TP63: variants seen among roughly 807,000 people sequenced by gnomAD.
The protein encoded by TP63 is tumor protein 63.
A neutral mutation model predicts 82.8 loss-of-function variants in TP63; 17 were observed. That is an observed-to-expected ratio of 0.21 (90% confidence interval 0.14 to 0.31). TP63 has a LOEUF of 0.31. TP63 is among the 10% of genes least tolerant of loss of function. The pLI, the probability that TP63 is intolerant of heterozygous loss-of-function variation, is 1.00. For missense variants in TP63, 648 were observed against 895.3 expected (o/e 0.72, Z 3.52); for synonymous variants, 330 against 321.7 (o/e 1.03, Z -0.28).
chr3:189,656,250 A>G, intron 1 of TP63, among the ~76,000 whole-genome samples: 1 of 152,182 alleles, frequency 6.6e-6, no homozygotes. Context: ...CTATTATAAG[A>G]GAACATGTAC....
chr3:189,879,862 A>T (rs1444239644), intron 10 of TP63, among the ~76,000 whole-genome samples: 1 of 152,196 alleles, frequency 6.6e-6, no homozygotes, highest in Non-Finnish European at 1.5e-5. Flanking sequence ...GCCTTATCCC[A>T]TTTCTTCCTC....
At chr3:189,781,465 A>G (rs1465871138) in intron 3 of TP63, among the ~76,000 whole-genome samples, 1 of 152,200 alleles carries the variant, frequency 6.6e-6, no homozygotes, top group African/African-American at 2.4e-5. Flanking sequence ...TGCTATAACT[A>G]AAGGTGCAGA....
At chr3:189,831,359 G>C (rs1490697517) in intron 4 of TP63, among the ~76,000 whole-genome samples, 1 of 152,120 alleles carries the variant, frequency 6.6e-6, no homozygotes, top group Non-Finnish European at 1.5e-5. Flanking sequence ...TAAATAGGCA[G>C]ACAGTTTTCT....
intron 3 of TP63, among the ~76,000 whole-genome samples, chr3:189,761,159 G>C (rs754236566): frequency 6.6e-6 from 1 of 152,330 alleles, no homozygotes; most frequent in South Asian, 2.1e-4. Flanking sequence ...TTGTCTTGGT[G>C]ATTAACATTA....
At chr3:189,877,755 A>C (rs1719398373) in intron 10 of TP63, among the ~76,000 whole-genome samples, 1 of 152,246 alleles carries the variant, frequency 6.6e-6, no homozygotes. Flanking sequence ...CCAGTTTATA[A>C]TAAAGCTAAG....
chr3:189,598,623 G>A, the TP63 span, among the ~76,000 whole-genome samples: 6 of 152,240 alleles, frequency 3.9e-5, no homozygotes, highest in South Asian at 2.1e-4. Flanking sequence ...TTTGAGATCC[G>A]GATATCAGCC....
intron 4 of TP63, among the ~76,000 whole-genome samples, chr3:189,824,137 T>A (rs539302767): frequency 6.6e-6 from 1 of 152,234 alleles, no homozygotes; most frequent in Admixed American, 6.5e-5. Context: ...TTCATATTTT[T>A]CTCCCAGGCT....
intron 10 of TP63, chr3:189,881,459 T>C: frequency 1.0e-6 from 1 of 985,412 alleles, no homozygotes; most frequent in Non-Finnish European, 1.2e-6. Flanking sequence ...TGTGGATGTG[T>C]GATTTTAATT....
At chr3:189,834,742 C>T (rs955492961) in intron 4 of TP63, among the ~76,000 whole-genome samples, 10 of 152,158 alleles carry the variant, frequency 6.6e-5, no homozygotes, top group African/African-American at 2.4e-4. Context: ...AGAGCAAGCA[C>T]ACCCTTTTTT....
chr3:189,809,899 A>C (rs1391208393), intron 4 of TP63, among the ~76,000 whole-genome samples: 2 of 152,212 alleles, frequency 1.3e-5, no homozygotes, highest in Non-Finnish European at 2.9e-5. Context: ...GGCATGCCTA[A>C]ACTTACAGAA....
intron 3 of TP63, among the ~76,000 whole-genome samples, chr3:189,789,001 A>G (rs944789929): frequency 6.6e-6 from 1 of 151,728 alleles, no homozygotes; most frequent in African/African-American, 2.4e-5. Context: ...CGTACATAAT[A>G]TGGATGTTTG....
At chr3:189,786,899 A>C (rs564189272) in intron 3 of TP63, among the ~76,000 whole-genome samples, 12 of 152,084 alleles carry the variant, frequency 7.9e-5, no homozygotes, top group Non-Finnish European at 1.8e-4. Flanking sequence ...CATTTAGTAC[A>C]TTTGAGATCC....
rs144667568 is a variant in TP63 at position 189,758,154 on chromosome 3, T to C, written c.324+19380T>C. ...TCTACCTCAGATCATCAGGTATTAG[T>C]TAGATTCTCATAAGGAGCACACAAC... On this transcript the variant is annotated intron_variant, in intron 3 of 13. Coordinates refer to ENST00000264731, the MANE Select transcript of TP63 (RefSeq NM_003722.5). 6.0e-4 allele frequency among the ~76,000 whole-genome samples: 91 copies of C among 152,274 alleles called. No homozygotes were observed. In the East Asian group the frequency reaches 0.016, roughly 27 times the overall value.
chr3:189,875,613 T>TATATATATATACACAC (rs1553859698), intron 10 of TP63, among the ~76,000 whole-genome samples: 26 of 105,490 alleles, frequency 2.5e-4, no homozygotes, highest in South Asian at 1.2e-3. Context: ...TATATATATA[T>TATATATATATACACAC]ATATATATAT....
intron 1 of TP63, among the ~76,000 whole-genome samples, chr3:189,722,944 T>C (rs1719502687): frequency 6.6e-6 from 1 of 152,200 alleles, no homozygotes; most frequent in Non-Finnish European, 1.5e-5. Context: ...CATTAGAATT[T>C]AGGTGAATAC....
chr3:189,714,585 T>A (rs1293298192), intron 1 of TP63, among the ~76,000 whole-genome samples: 1 of 152,180 alleles, frequency 6.6e-6, no homozygotes, highest in East Asian at 1.9e-4. Flanking sequence ...AGAGGCCTCC[T>A]TTTCAAGACT....
At chr3:189,725,777 C>A (rs986837198) in intron 1 of TP63, among the ~76,000 whole-genome samples, 2 of 152,088 alleles carry the variant, frequency 1.3e-5, no homozygotes, top group African/African-American at 4.8e-5. Context: ...TTTTGCAGGC[C>A]GGGTGTGGTG....
chr3:189,748,506 TAC>T (rs1721547685), intron 3 of TP63, among the ~76,000 whole-genome samples: 3 of 5,774 alleles, frequency 5.2e-4, no homozygotes, highest in East Asian at 3.4e-3. Flanking sequence ...CAAGGAAAAC[TAC>T]AAAAAAAAAA....
intron 3 of TP63, among the ~76,000 whole-genome samples, chr3:189,775,388 A>G (rs1723719142): frequency 3.9e-5 from 6 of 152,116 alleles, no homozygotes. Context: ...CCCCAAACCT[A>G]GAGGATTCTG....
Sources: gnomAD v4.1 joint callset for allele counts (sites outside exome capture counted in the v4.1 genomes callset) on GRCh38, gnomAD v4.1.1 for gene constraint, MANE v1.5 for transcripts, NCBI Gene and HGNC (gene_info 2026-07-23, HGNC 2026-07-21) for gene names.